The following CELF2 variants were observed in gnomAD, a reference collection of about 807,000 sequenced individuals.
CELF2 encodes CUGBP Elav-like family member 2.
In CELF2, 8 loss-of-function variants were observed where a neutral mutation model predicts 62.6. The ratio of observed to expected loss-of-function variants is 0.13; its 90% CI spans 0.07 to 0.23. The LOEUF is 0.23. CELF2 is among the 10% of genes least tolerant of loss of function. The pLI is 1.00. For missense variants in CELF2, 333 were observed against 671.0 expected (o/e 0.50, Z 5.56); for synonymous variants, 258 against 250.0 (o/e 1.03, Z -0.30).
In CELF2 at chr10:10,936,534, G is replaced by A. The variant is rs1254527806; in HGVS notation, c.89+16535G>A. 1.3e-5 allele frequency: 2 copies of A among 152,198 alleles called. No individual in the cohort carries two copies. The highest frequency in any genetic ancestry group is 2.4e-5 in the African/African-American group (1 of 41,434). The allele number at this position is 152,198 out of a possible 1,614,324, so 9.4% of individuals were successfully genotyped here. A position where few individuals can be genotyped will look rare whatever the true frequency, so the allele number is the denominator to read the frequency against. On this transcript the variant is annotated intron_variant, in intron 2 of 13. Transcript: ENST00000636488. The surrounding 1 kb of genome is among the most constrained non-coding windows in gnomAD (Gnocchi z 4.0). ...TCACTGGACAAGCTAACATTTTCTT[G>A]GGGTGGATGGAGTCCAGTTATCATT...
chr10:11,198,635 A>G (rs572259772), intron 2 of CELF2, among the ~76,000 whole-genome samples: 12 of 152,360 alleles, frequency 7.9e-5, no homozygotes, highest in African/African-American at 2.4e-4. Flanking sequence ...TTAAAAAGCA[A>G]TCTAGACCAG....
intron 2 of CELF2, chr10:10,946,614 G>T (rs2047714398): frequency 6.6e-6 from 1 of 152,322 alleles, no homozygotes; most frequent in Non-Finnish European, 1.5e-5. Context: ...AAGAGATAAA[G>T]TTTTAGTGTT....
intron 1 of CELF2, among the ~76,000 whole-genome samples, chr10:11,033,406 C>A (rs1294299187): frequency 6.6e-6 from 1 of 152,042 alleles, no homozygotes; most frequent in Non-Finnish European, 1.5e-5. Context: ...TACAGGCATG[C>A]GCCACCACAC....
In CELF2 at chr10:11,018,136, AG is replaced by A; in HGVS notation, c.50del (p.Gly17AlafsTer16). 1 of 1,523,026 alleles carries A rather than the reference AG, an allele frequency of 6.6e-7. No homozygotes were observed. Among genetic ancestry groups the A allele is most frequent in the South Asian group, 1.2e-5 (1 of 84,462 alleles). 94.3% of individuals were successfully genotyped at this position (1,523,026 alleles called of 1,614,324 possible). On this transcript the variant is annotated frameshift_variant, in exon 1 of 13. Transcript: ENST00000633077. LOFTEE classifies it high-confidence loss of function. Reference sequence around the variant, plus strand: ...GATTTCCTCCCGGACATGATGGTCGAGGGCCGCCTGCTCGTTCCTGACAGAA... The same window carrying A: ...GATTTCCTCCCGGACATGATGGTCGAGGCCGCCTGCTCGTTCCTGACAGAA... ...KLDFLPDMMV[E>X]GRLLVPDRIN...
At chr10:10,769,522 G>A in the CELF2 span, among the ~76,000 whole-genome samples, 1 of 152,134 alleles carries the variant, frequency 6.6e-6, no homozygotes, top group Non-Finnish European at 1.5e-5. Context: ...TAGCACTTTG[G>A]GAGGCTGAGG....
chr10:10,687,478 C>T, the CELF2 span, among the ~76,000 whole-genome samples: 1 of 152,120 alleles, frequency 6.6e-6, no homozygotes, highest in Non-Finnish European at 1.5e-5. Context: ...ACTGAGAACA[C>T]AAGCCTTTGA....
At chr10:10,978,157 G>A (rs1265599038) in intron 2 of CELF2, among the ~76,000 whole-genome samples, 3 of 151,452 alleles carry the variant, frequency 2.0e-5, no homozygotes, top group Admixed American at 6.6e-5. Context: ...CTGAAATTAC[G>A]TGATTCAAAA....
rs950714750 is a variant in CELF2 at position 10,947,282 on chromosome 10, T to C, written c.89+27283T>C. On this transcript the variant is annotated intron_variant, in intron 2 of 13. Coordinates refer to the CELF2 transcript ENST00000636488. The surrounding 1 kb of genome is among the most constrained non-coding windows in gnomAD (Gnocchi z 4.1). ...ATGCACAGTTGGAAGGACATTTCTC[T>C]GGCCATCCTGAGCACATTTTTTCCT... 2 of 152,588 alleles carry C rather than the reference T, an allele frequency of 1.3e-5. No individual in the cohort carries two copies. Among genetic ancestry groups the C allele is most frequent in the African/African-American group, 4.8e-5 (2 of 41,446 alleles). The allele number at this position is 152,588 out of a possible 1,614,324, so 9.5% of individuals were successfully genotyped here. A position where few individuals can be genotyped will look rare whatever the true frequency, so the allele number is the denominator to read the frequency against.
intron 2 of CELF2, among the ~76,000 whole-genome samples, chr10:11,202,101 A>G (rs926757014): frequency 2.6e-5 from 4 of 152,158 alleles, no homozygotes; most frequent in East Asian, 1.9e-4. Flanking sequence ...AGATTGTTTC[A>G]TTGAGTTGAC....
chr10:11,255,810 AG>A lies in CELF2; in HGVS notation c.404-1926del, dbSNP rs1382405213. Among the ~76,000 whole-genome samples, 4 of 152,176 alleles carry A rather than the reference AG, an allele frequency of 2.6e-5. No homozygotes were observed. The highest frequency in any genetic ancestry group is 5.9e-5 in the Non-Finnish European group (4 of 68,022). Reference sequence around the variant, plus strand: ...TGGATGACAAAACAGAGGTCCTCAGAGGTCAGCCTATTCTCCAAAGACACAT... The same window carrying A: ...TGGATGACAAAACAGAGGTCCTCAGAGTCAGCCTATTCTCCAAAGACACAT... On this transcript the variant is annotated intron_variant, in intron 4 of 12. Transcript: ENST00000633077. The surrounding 1 kb of genome is among the most constrained non-coding windows in gnomAD (Gnocchi z 5.5).
At chr10:11,078,255 G>A (rs905571699) in intron 1 of CELF2, among the ~76,000 whole-genome samples, 3 of 152,082 alleles carry the variant, frequency 2.0e-5, no homozygotes, top group Admixed American at 1.3e-4. Context: ...GAAGTGGTGG[G>A]GGGCGGAATG....
Position 10,810,022 on chromosome 10 carries a change from T to C in CELF2, c.53+11205T>C, listed in dbSNP as rs369153842. ...TATATTTCTGACAGTTTTAGAAAGA[T>C]TTAATTTACATAAGTGCATATTTCC... On this transcript the variant is annotated intron_variant, in intron 1 of 13. Transcript: ENST00000636488. 5.9e-5 allele frequency among the ~76,000 whole-genome samples: 9 copies of C among 152,218 alleles called. No homozygotes were observed. The East Asian group carries it at 1.3e-3, about 23-fold the overall frequency.
intron 1 of CELF2, among the ~76,000 whole-genome samples, chr10:10,885,134 T>A (rs1160037301): frequency 6.6e-6 from 1 of 151,840 alleles, no homozygotes; most frequent in Non-Finnish European, 1.5e-5. Context: ...TCCCAGCTAC[T>A]CAGGAGGCTG....
chr10:11,275,117 G>A lies in CELF2; in HGVS notation c.838G>A (p.Ala280Thr). The change falls in exon 8 of 13, where the codon GCA becomes ACA. Residue 280 changes from alanine to threonine, a missense_variant. Transcript: ENST00000633077. ...TGCGTTCAGCGGCATTCAACAAATGGCAGGTAAGTCAGGAAGCACGCCTCT... is the reference window on the plus strand; with the variant it reads ...TGCGTTCAGCGGCATTCAACAAATGACAGGTAAGTCAGGAAGCACGCCTCT... ...LGAFSGIQQMAGMNALQLQNL... is the reference protein window; with the variant it reads ...LGAFSGIQQMTGMNALQLQNL... The A allele has an allele frequency of 6.2e-7, 1 of 1,614,168 alleles. No homozygotes were observed. The highest frequency in any genetic ancestry group is 8.5e-7 in the Non-Finnish European group (1 of 1,180,028).
At chr10:11,284,216 TGTGGTGGGTGGATGAGGGATG>T (rs2090243490) in intron 8 of CELF2, among the ~76,000 whole-genome samples, 1 of 35,032 alleles carries the variant, frequency 2.9e-5, no homozygotes, top group Non-Finnish European at 4.9e-5. Context: ...GGGATGAGTG[TGTGGTGGGTGGATGAGGGATG>T]GAGGGGTGGG....
chr10:10,698,061 AGT>A, the CELF2 span, among the ~76,000 whole-genome samples: 2 of 152,174 alleles, frequency 1.3e-5, no homozygotes, highest in Non-Finnish European at 2.9e-5. Flanking sequence ...CCCAAAGAAG[AGT>A]AGGTTTTAAC....
chr10:10,914,244 G>A (rs767145042), intron 1 of CELF2, among the ~76,000 whole-genome samples: 6 of 152,136 alleles, frequency 3.9e-5, no homozygotes, highest in Non-Finnish European at 8.8e-5. Context: ...TAGCATGGGG[G>A]CTCATGTCTT....
At chr10:10,824,653 T>C (rs1182725854) in intron 1 of CELF2, among the ~76,000 whole-genome samples, 3 of 152,226 alleles carry the variant, frequency 2.0e-5, no homozygotes, top group Non-Finnish European at 4.4e-5. Flanking sequence ...GTAAACCCAC[T>C]TAAAGTGACT....
the CELF2 span, among the ~76,000 whole-genome samples, chr10:10,688,110 CA>C: frequency 6.6e-6 from 1 of 152,212 alleles, no homozygotes; most frequent in Non-Finnish European, 1.5e-5. Flanking sequence ...TTGTTATAGT[CA>C]GTCTGGAGTT....
Sources: allele counts gnomAD v4.1 joint callset (sites outside exome capture counted in the v4.1 genomes callset), GRCh38; gene constraint gnomAD v4.1.1; non-coding constraint Gnocchi (gnomAD v3.1); transcripts MANE v1.5; gene names NCBI Gene and HGNC (gene_info 2026-07-23, HGNC 2026-07-21).